WIPI1: variants seen among roughly 807,000 people sequenced by gnomAD.
The protein encoded by WIPI1 is WD repeat domain, phosphoinositide interacting 1.
In WIPI1, 45 loss-of-function variants were observed where a neutral mutation model predicts 55.3. The ratio of observed to expected loss-of-function variants is 0.81; its 90% confidence interval spans 0.64 to 1.04. WIPI1 has a LOEUF of 1.04. Ranked by LOEUF, WIPI1 falls within the 50% of genes least tolerant of loss-of-function variation. The pLI is 0.00. For missense variants in WIPI1, 445 were observed against 559.0 expected (o/e 0.80, Z 2.06); for synonymous variants, 195 against 217.6 (o/e 0.90, Z 0.92).
intron 3 of WIPI1, 25 bp downstream of exon 3, chr17:68,450,703 A>G: frequency 3.2e-6 from 5 of 1,586,104 alleles, no homozygotes; most frequent in Non-Finnish European, 4.3e-6. Context: ...GAAGCTTTGA[A>G]ACCCTGAGGG....
rs143863161 is a variant in WIPI1 at position 68,421,706 on chromosome 17, G to T, written c.*67C>A. On this transcript the variant is annotated 3_prime_UTR_variant, in exon 13 of 13. Transcript: ENST00000262139. ...TCACACAATTGCACTCCATTCTTCC[G>T]CCTTCCTTGTTTTCTCCAAAACCAC... 1.8e-5 allele frequency: 29 copies of T among 1,607,754 alleles called. No individual in the cohort carries two copies. The Middle Eastern group carries it at 1.6e-3, about 91-fold the overall frequency.
In WIPI1 at chr17:68,429,986, T is replaced by C. The variant is rs2083438565; in HGVS notation, c.965+10A>G. Reference sequence around the variant, plus strand: ...GTGGTCTTGTTCAGAGTGGGTGTCATTGTACGTACGTTGAGAGGGTACAGA... The same window carrying C: ...GTGGTCTTGTTCAGAGTGGGTGTCACTGTACGTACGTTGAGAGGGTACAGA... On this transcript the variant is annotated intron_variant, in intron 9 of 12. Coordinates refer to ENST00000262139, the MANE Select transcript of WIPI1 (RefSeq NM_017983.7). 4 of 1,613,846 alleles carry C rather than the reference T, an allele frequency of 2.5e-6. No individual in the cohort carries two copies. The highest frequency in any genetic ancestry group is 1.3e-5 in the African/African-American group (1 of 74,904).
At chr17:68,446,754 T>A (rs1161381045) in intron 3 of WIPI1, among the ~76,000 whole-genome samples, 3 of 152,204 alleles carry the variant, frequency 2.0e-5, no homozygotes, top group Admixed American at 2.0e-4. Context: ...CCTTGACATA[T>A]GCCTCTCCTA....
intron 3 of WIPI1, among the ~76,000 whole-genome samples, chr17:68,445,814 G>C (rs1055287726): frequency 7.2e-5 from 11 of 152,194 alleles, no homozygotes; most frequent in Non-Finnish European, 1.6e-4. Context: ...AGCAGCTGCC[G>C]ACCACCCCTG....
intron 2 of WIPI1, among the ~76,000 whole-genome samples, chr17:68,451,987 A>G (rs2084518049): frequency 6.6e-6 from 1 of 152,224 alleles, no homozygotes. Context: ...TAACAATAAC[A>G]TCTTACAAAT....
At chr17:68,421,909 G>A (rs1057487172) in intron 12 of WIPI1, 89 bp from the exon 13 acceptor site, 2 of 1,550,766 alleles carry the variant, frequency 1.3e-6, no homozygotes, top group Non-Finnish European at 1.8e-6. Context: ...CCCATGCAGA[G>A]TGAGCAGGGA....
At chr17:68,444,332 T>C (rs1437135105) in intron 4 of WIPI1, among the ~76,000 whole-genome samples, 161 bp downstream of exon 4, 1 of 152,196 alleles carries the variant, frequency 6.6e-6, no homozygotes, top group African/African-American at 2.4e-5. Context: ...CCTGACATAA[T>C]TTGAATCTGC....
chr17:68,443,076 A>G (rs2084145706), intron 4 of WIPI1, among the ~76,000 whole-genome samples: 1 of 152,118 alleles, frequency 6.6e-6, no homozygotes, highest in Non-Finnish European at 1.5e-5. Context: ...AACAGCCTCA[A>G]TGGCTTTGTT....
chr17:68,449,086 A>T (rs1426843338), intron 3 of WIPI1, among the ~76,000 whole-genome samples: 3 of 152,064 alleles, frequency 2.0e-5, no homozygotes, highest in Non-Finnish European at 2.9e-5. Flanking sequence ...CTCATTTGTT[A>T]AAAAAAATTA....
At chr17:68,428,735 A>T in intron 10 of WIPI1, 94 bp downstream of exon 10, 1 of 948,856 alleles carries the variant, frequency 1.1e-6, no homozygotes, top group Middle Eastern at 2.6e-4. Flanking sequence ...GAACAAATCA[A>T]TGCAAGGGCA....
intron 7 of WIPI1, among the ~76,000 whole-genome samples, 184 bp from the exon 8 acceptor site, chr17:68,433,759 A>ATTT (rs2083629483): frequency 2.3e-5 from 2 of 87,082 alleles, no homozygotes; most frequent in African/African-American, 5.1e-5. Context: ...AAAGGGTCAT[A>ATTT]GTTTTTTTTT....
At chr17:68,457,225 C>G (rs2084667969) in intron 1 of WIPI1, 117 bp downstream of exon 1, 3 of 1,249,252 alleles carry the variant, frequency 2.4e-6, no homozygotes, top group Non-Finnish European at 3.3e-6. Context: ...AAGCAGACAC[C>G]GGCCCTCCCG....
rs1263358795 is a variant in WIPI1 at position 68,423,333 on chromosome 17, C to T, written c.1294-1513G>A. Among the ~76,000 whole-genome samples, 1 of 152,220 alleles carries T rather than the reference C, an allele frequency of 6.6e-6. No homozygotes were observed. The highest frequency in any genetic ancestry group is 2.4e-5 in the African/African-American group (1 of 41,450). On this transcript the variant is annotated intron_variant, in intron 12 of 12. Coordinates refer to ENST00000262139, the MANE Select transcript of WIPI1 (RefSeq NM_017983.7). This position sits in a 1 kb window ranked among gnomAD's most constrained non-coding sequence, Gnocchi z 4.4. ...ATTGATAGAGCATCCCAGGAGCATGCATGCCTCTGGTCCTTACATGGTGAG... is the reference window on the plus strand; with the variant it reads ...ATTGATAGAGCATCCCAGGAGCATGTATGCCTCTGGTCCTTACATGGTGAG...
intron 2 of WIPI1, among the ~76,000 whole-genome samples, chr17:68,451,303 G>T (rs1388898234): frequency 1.3e-5 from 2 of 152,090 alleles, no homozygotes; most frequent in Non-Finnish European, 2.9e-5. Context: ...GTATGGTGGT[G>T]CACACCTGTA....
chr17:68,430,256 G>C (rs548860923), intron 8 of WIPI1, 96 bp from the exon 9 acceptor site: 14 of 1,255,382 alleles, frequency 1.1e-5, no homozygotes, highest in African/African-American at 1.5e-5. Flanking sequence ...CACACTCCCC[G>C]CAGCAGGGAG....
intron 4 of WIPI1, among the ~76,000 whole-genome samples, chr17:68,438,026 A>G (rs1032998836): frequency 6.7e-6 from 1 of 150,274 alleles, no homozygotes; most frequent in Admixed American, 6.7e-5. Context: ...TTCTAAAAGT[A>G]TAAGAAAAAA....
Position 68,421,834 on chromosome 17 carries a change from A to G in WIPI1, c.1294-14T>C. 6.2e-7 allele frequency: 1 copy of G among 1,614,170 alleles called. No homozygotes were observed. ...GCACAAGATTATCTACCAAAATCAAAACAGAATGGCCTTACTCTTCTCAGG... is the reference window on the plus strand; with the variant it reads ...GCACAAGATTATCTACCAAAATCAAGACAGAATGGCCTTACTCTTCTCAGG... On this transcript the variant is annotated splice_polypyrimidine_tract_variant and intron_variant, in intron 12 of 12. Coordinates refer to ENST00000262139, the MANE Select transcript of WIPI1 (RefSeq NM_017983.7).
At chr17:68,431,398 T>C (rs926667652) in intron 8 of WIPI1, among the ~76,000 whole-genome samples, 8 of 151,676 alleles carry the variant, frequency 5.3e-5, no homozygotes, top group African/African-American at 1.5e-4. Context: ...CGCATACTGT[T>C]TTATGGGATG....
Position 68,424,274 on chromosome 17 carries a change from G to A in WIPI1, c.1293+1801C>T, listed in dbSNP as rs369232831. ...AACCTGCCTATTGAAAGCCAGAAAT[G>A]TAAAAGCTCACGCTGCGACCGACCC... On this transcript the variant is annotated intron_variant, in intron 12 of 12. Coordinates refer to ENST00000262139, the MANE Select transcript of WIPI1 (RefSeq NM_017983.7). Among the ~76,000 whole-genome samples, 9 of 152,296 alleles carry A rather than the reference G, an allele frequency of 5.9e-5. No homozygotes were observed. The East Asian group carries it at 1.5e-3, about 26-fold the overall frequency.
Sources: allele counts gnomAD v4.1 joint callset (sites outside exome capture counted in the v4.1 genomes callset), GRCh38; gene constraint gnomAD v4.1.1; non-coding constraint Gnocchi (gnomAD v3.1); transcripts MANE v1.5; gene names NCBI Gene and HGNC (gene_info 2026-07-23, HGNC 2026-07-21).